Variants in RALGAPB observed in about 807,000 individuals in gnomAD.
The protein encoded by RALGAPB is ral GTPase-activating protein subunit beta.
A neutral mutation model predicts 161.1 loss-of-function variants in RALGAPB; 25 were observed. The ratio of observed to expected loss-of-function variants is 0.16; its 90% CI spans 0.11 to 0.22. RALGAPB has a LOEUF of 0.22. RALGAPB is among the 10% of genes least tolerant of loss of function. The probability of loss-of-function intolerance (pLI) is 1.00; values close to 1 mark genes in which losing one functional copy is unlikely to be tolerated. For synonymous variants in RALGAPB, 629 were observed against 626.1 expected (o/e 1.00, Z -0.07); for missense variants, 1,391 against 1,815.2 (o/e 0.77, Z 4.25).
intron 15 of RALGAPB, among the ~76,000 whole-genome samples, chr20:38,534,628 T>C (rs2086749854): frequency 6.6e-6 from 1 of 152,218 alleles, no homozygotes; most frequent in African/African-American, 2.4e-5. Context: ...GCTTAAACCC[T>C]GTAAGTAATT....
Position 38,546,254 on chromosome 20 carries a change from T to C in RALGAPB, c.2726T>C (p.Leu909Ser). Residue 909 changes from leucine to serine, a missense_variant, in exon 19 of 30, where the codon TTG becomes TCG. Physicochemically the swap from Leu to Ser is moderately radical, Grantham distance 145. Coordinates refer to ENST00000262879, the MANE Select transcript of RALGAPB (RefSeq NM_020336.4). ...TCCATTCTCCATAGCATTATGCAGT[T>C]GCTCGGCGCATTTCCTTCACCTAGT... ...AEATLTCIMQ[L>S]LGAFPSPSGP... 1 of 1,614,118 alleles carries C rather than the reference T, an allele frequency of 6.2e-7. No individual in the cohort carries two copies. Among genetic ancestry groups the C allele is most frequent in the Non-Finnish European group, 8.5e-7 (1 of 1,179,956 alleles).
chr20:38,539,133 C>T (rs1555880803), intron 16 of RALGAPB, among the ~76,000 whole-genome samples: 1 of 151,840 alleles, frequency 6.6e-6, no homozygotes, highest in Non-Finnish European at 1.5e-5. Context: ...GAAACCAGAC[C>T]AAAAAAAGTA....
chr20:38,567,208 A>C lies in RALGAPB; in HGVS notation c.3930A>C (p.Thr1310=). ...CACTTGAGCTTTTCCCCAATCATAC[A>C]GACAATCTTAATTCCTCACAGAGGG... ...SLTLELFPNH[T]DNLNSSQRLS... is the part of the protein sequence containing the mutation. The change falls in exon 26 of 30, where the codon ACA becomes ACC. Residue 1310 remains threonine (T), a synonymous_variant. Transcript: ENST00000262879. 1 of 1,613,584 alleles carries C rather than the reference A, an allele frequency of 6.2e-7. No homozygotes were observed. Among genetic ancestry groups the C allele is most frequent in the East Asian group, 2.2e-5 (1 of 44,856 alleles).
chr20:38,479,039 C>T (rs1266587072), intron 1 of RALGAPB, among the ~76,000 whole-genome samples: 7 of 152,230 alleles, frequency 4.6e-5, no homozygotes, highest in Admixed American at 3.9e-4. Flanking sequence ...GTGTGAGCCA[C>T]CACATCCAGC....
rs796202935 is a variant in RALGAPB, at chr20:38,567,045, C to T, written c.3818-51C>T. The T allele has an allele frequency of 2.5e-6, 4 of 1,571,908 alleles. No homozygotes were observed. In the African/African-American group the frequency reaches 5.5e-5, roughly 21 times the overall value. ...AGCATAATTAGTTTTAACAGCCTTGCTCCAAATAAGTGGTATGTATTATAG... is the reference window on the plus strand; with the variant it reads ...AGCATAATTAGTTTTAACAGCCTTGTTCCAAATAAGTGGTATGTATTATAG... On this transcript the variant is annotated intron_variant, in intron 25 of 29. Transcript: ENST00000262879.
chr20:38,540,818 A>G (rs2086941610), intron 17 of RALGAPB, among the ~76,000 whole-genome samples: 1 of 152,160 alleles, frequency 6.6e-6, no homozygotes, highest in African/African-American at 2.4e-5. Flanking sequence ...TTATTTATCT[A>G]ACACTCTAAA....
intron 13 of RALGAPB, among the ~76,000 whole-genome samples, chr20:38,526,612 T>A (rs2086480270): frequency 6.6e-6 from 1 of 152,252 alleles, no homozygotes; most frequent in Non-Finnish European, 1.5e-5. Flanking sequence ...AGAGCTTCCC[T>A]AACAATACTT....
At chr20:38,574,024 CT>C (rs2088339886) in intron 28 of RALGAPB, 125 bp from the exon 29 acceptor site, 1 of 978,052 alleles carries the variant, frequency 1.0e-6, no homozygotes, top group East Asian at 2.7e-5. Flanking sequence ...CTTGGCTTTT[CT>C]CAGACCACTG....
chr20:38,516,826 A>G (rs1161981633), intron 7 of RALGAPB, among the ~76,000 whole-genome samples: 1 of 152,208 alleles, frequency 6.6e-6, no homozygotes, highest in African/African-American at 2.4e-5. Flanking sequence ...TTAGTGAGCC[A>G]TTCTTTTAAG....
intron 1 of RALGAPB, among the ~76,000 whole-genome samples, chr20:38,478,071 G>A (rs916376148): frequency 2.0e-5 from 3 of 152,298 alleles, no homozygotes; most frequent in Middle Eastern, 3.4e-3. Context: ...GCTGTGAGCC[G>A]AGATCGTGCC....
At chr20:38,548,627 C>A in intron 19 of RALGAPB, 62 bp from the exon 20 acceptor site, 2 of 1,319,020 alleles carry the variant, frequency 1.5e-6, no homozygotes, top group Non-Finnish European at 2.1e-6. Flanking sequence ...CAGTTGATAA[C>A]AAGTTTATTT....
At chr20:38,522,153 G>T (rs1359944862) in intron 10 of RALGAPB, among the ~76,000 whole-genome samples, 1 of 152,246 alleles carries the variant, frequency 6.6e-6, no homozygotes, top group African/African-American at 2.4e-5. Flanking sequence ...TGGGCATTCA[G>T]GGGAAGAAGC....
In RALGAPB at chr20:38,488,514, A is replaced by G. The variant is rs1264042288; in HGVS notation, c.82A>G (p.Ser28Gly). ...CAGTGTGCTGCACAGCTATCCAGAG[A>G]GCGTTGGACGAGAGGTGGCAAATGC... ...HTSVLHSYPESVGREVANAVV... is the reference protein window; with the variant it reads ...HTSVLHSYPEGVGREVANAVV... The change falls in exon 2 of 30, where the codon AGC becomes GGC. Residue 28 changes from serine (S) to glycine (G), a missense_variant. By Grantham distance (56) the Ser-to-Gly change is moderately conservative (BLOSUM62 0). Around this residue, in one of 3 missense-constraint regions of RALGAPB, gnomAD observed 946 missense variants for 1,257.2 expected, o/e 0.75. Coordinates refer to ENST00000262879, the MANE Select transcript of RALGAPB (RefSeq NM_020336.4). 1 of 1,614,186 alleles carries G rather than the reference A, an allele frequency of 6.2e-7. No homozygotes were observed. Among genetic ancestry groups the G allele is most frequent in the Non-Finnish European group, 8.5e-7 (1 of 1,180,028 alleles).
In RALGAPB at chr20:38,574,957, G is replaced by A; in HGVS notation, c.4475G>A (p.Cys1492Tyr). 1 of 1,609,682 alleles carries A rather than the reference G, an allele frequency of 6.2e-7. No homozygotes were observed. Among genetic ancestry groups the A allele is most frequent in the Non-Finnish European group, 8.5e-7 (1 of 1,175,936 alleles). The change falls in exon 30 of 30, where the codon TGC (cysteine) becomes TAC (tyrosine). Residue 1492 changes from cysteine (C) to tyrosine (Y), a missense_variant. Transcript: ENST00000262879. ...TTCCAGGAGGTTGGACTCAAGAACT[G>A]CAGTTCTTAGACCACTGAATTTCTA... is the stretch of plus-strand genomic sequence containing the variant. ...SLFQEVGLKNCSS is the reference protein window; with the variant it reads ...SLFQEVGLKNYSS
At chr20:38,564,168 T>G (rs1450728361) in intron 24 of RALGAPB, among the ~76,000 whole-genome samples, 1 of 152,166 alleles carries the variant, frequency 6.6e-6, no homozygotes, top group Non-Finnish European at 1.5e-5. Context: ...CAGCATCTAC[T>G]ACATCAAATA....
intron 1 of RALGAPB, among the ~76,000 whole-genome samples, chr20:38,478,705 C>T (rs2084877553): frequency 6.6e-6 from 1 of 152,158 alleles, no homozygotes; most frequent in African/African-American, 2.4e-5. Context: ...CAGCCTCCAC[C>T]TCCTGGGTTC....
chr20:38,556,660 T>C (rs914517507), intron 22 of RALGAPB, among the ~76,000 whole-genome samples: 2 of 152,006 alleles, frequency 1.3e-5, no homozygotes, highest in Non-Finnish European at 2.9e-5. Flanking sequence ...TATTAAGAGA[T>C]ATAAAATATG....
chr20:38,530,393 G>C (rs114298320), intron 13 of RALGAPB, among the ~76,000 whole-genome samples: 2 of 151,940 alleles, frequency 1.3e-5, no homozygotes, highest in East Asian at 3.9e-4. Context: ...GTTTGTGTAC[G>C]TAAGTTTTTT....
chr20:38,561,108 G>A (rs1267935635), intron 23 of RALGAPB, among the ~76,000 whole-genome samples: 2 of 152,310 alleles, frequency 1.3e-5, no homozygotes, highest in East Asian at 1.9e-4. Context: ...CGCGGATCAC[G>A]AGGTCAGGAG....
Sources: allele counts gnomAD v4.1 joint callset (sites outside exome capture counted in the v4.1 genomes callset), GRCh38; gene constraint gnomAD v4.1.1; regional missense constraint gnomAD v4.1.1; transcripts MANE v1.5; gene names NCBI Gene and HGNC (gene_info 2026-07-23, HGNC 2026-07-21).